Variants in ZDHHC7 observed in about 807,000 individuals in gnomAD.
The protein encoded by ZDHHC7 is palmitoyltransferase ZDHHC7.
Under a neutral mutation model 34.1 loss-of-function variants are expected in ZDHHC7, and 12 were observed. The ratio of observed to expected loss-of-function variants is 0.35; its 90% CI spans 0.23 to 0.57. The LOEUF is 0.57. Among genes scored for constraint, ZDHHC7 ranks in the 20% least tolerant of loss-of-function variants. The probability of loss-of-function intolerance (pLI) is 0.84; values close to 1 mark genes in which losing one functional copy is unlikely to be tolerated. For synonymous variants in ZDHHC7, 185 were observed against 155.4 expected (o/e 1.19, Z -1.42); for missense variants, 388 against 402.7 (o/e 0.96, Z 0.31).
At chr16:85,008,732 T>C (rs917447656) in intron 1 of ZDHHC7, among the ~76,000 whole-genome samples, 7 of 149,264 alleles carry the variant, frequency 4.7e-5, no homozygotes, top group Non-Finnish European at 7.4e-5. Flanking sequence ...TGACTTTATG[T>C]TCTGCTCTAG....
rs758856098 is a variant in ZDHHC7 at position 84,976,359 on chromosome 16, G to C, written c.911C>G (p.Pro304Arg). 11 of 1,613,872 alleles carry C rather than the reference G, an allele frequency of 6.8e-6. No homozygotes were observed. In the Middle Eastern group the frequency reaches 4.9e-4, roughly 72 times the overall value. Residue 304 changes from proline (P) to arginine (R), a missense_variant, in exon 8 of 8, where the codon CCG (proline) becomes CGG (arginine). Transcript: ENST00000313732. ...AGCCACGCCTCACACTGAGAACTCC[G>C]GGCCACCTTTTCTGGGTCTCGTGGG... ...RLPTRPRKGGPEFSV is the reference protein window; with the variant it reads ...RLPTRPRKGGREFSV
Position 85,006,725 on chromosome 16 carries a change from A to G in ZDHHC7, c.-104+4561T>C, listed in dbSNP as rs1597564997. ...ACTGCACTCCAGCCTAGGTGACAGA[A>G]TAACACCGTCTCAAAAATAGTAATA... On this transcript the variant is annotated intron_variant, in intron 1 of 7. Coordinates refer to ENST00000313732, the MANE Select transcript of ZDHHC7 (RefSeq NM_017740.3). 2.0e-5 allele frequency among the ~76,000 whole-genome samples: 3 copies of G among 146,708 alleles called. No individual in the cohort carries two copies. The South Asian group carries it at 6.5e-4, about 32-fold the overall frequency.
intron 1 of ZDHHC7, among the ~76,000 whole-genome samples, chr16:84,997,111 T>C (rs967713806): frequency 6.6e-6 from 1 of 151,466 alleles, no homozygotes. Context: ...ACACGCACAA[T>C]GCACAGAGAA....
the ZDHHC7 span, among the ~76,000 whole-genome samples, chr16:85,027,534 G>A: frequency 6.6e-6 from 1 of 152,212 alleles, no homozygotes; most frequent in Non-Finnish European, 1.5e-5. Context: ...ACTCCTCCCA[G>A]AGTCCGAGAA....
chr16:85,022,962 A>G, the ZDHHC7 span, among the ~76,000 whole-genome samples: 1 of 152,128 alleles, frequency 6.6e-6, no homozygotes, highest in Non-Finnish European at 1.5e-5. Context: ...AAGCTGAGGA[A>G]CTGTTCCAGA....
At chr16:84,981,134 A>G (rs564768387) in intron 4 of ZDHHC7, among the ~76,000 whole-genome samples, 13 of 152,318 alleles carry the variant, frequency 8.5e-5, no homozygotes, top group Admixed American at 3.3e-4. Flanking sequence ...TTCACACTTC[A>G]ACACGTGAAA....
upstream of ZDHHC7, among the ~76,000 whole-genome samples, chr16:85,013,898 G>C (rs1486601349): frequency 6.6e-6 from 1 of 151,890 alleles, no homozygotes; most frequent in African/African-American, 2.4e-5. Flanking sequence ...ATGTTGGCCA[G>C]GCTGGTCTGC....
rs766306636 is a variant in ZDHHC7, at chr16:84,977,080, G to C, written c.750+15C>G. 1 of 1,613,990 alleles carries C rather than the reference G, an allele frequency of 6.2e-7. No homozygotes were observed. Among genetic ancestry groups the C allele is most frequent in the Admixed American group, 1.7e-5 (1 of 60,012 alleles). ...GACCACATATGAAGTCCACACAGCC[G>C]AGAACAAAGCTTACCGTCTCGTCGT... On this transcript the variant is annotated intron_variant, in intron 7 of 7. Coordinates refer to ENST00000313732, the MANE Select transcript of ZDHHC7 (RefSeq NM_017740.3).
intron 1 of ZDHHC7, among the ~76,000 whole-genome samples, chr16:85,002,389 G>GAGT (rs1393796629): frequency 3.3e-5 from 5 of 152,118 alleles, no homozygotes; most frequent in Non-Finnish European, 7.4e-5. Flanking sequence ...CCATAGCAAT[G>GAGT]AGTCCTGTGG....
chr16:84,978,207 A>G (rs1252351759), intron 5 of ZDHHC7: 1 of 457,998 alleles, frequency 2.2e-6, no homozygotes, highest in Non-Finnish European at 3.9e-6. Flanking sequence ...ACTGTTTTGC[A>G]TTTTTAGTAG....
At chr16:84,992,654 T>C (rs900744965) in intron 2 of ZDHHC7, among the ~76,000 whole-genome samples, 1 of 152,134 alleles carries the variant, frequency 6.6e-6, no homozygotes, top group Admixed American at 6.5e-5. Flanking sequence ...CTGACAAATA[T>C]TTTAACGAAC....
chr16:85,006,483 G>A (rs529675315), intron 1 of ZDHHC7, among the ~76,000 whole-genome samples: 215 of 152,262 alleles, frequency 1.4e-3, no homozygotes, highest in South Asian at 3.7e-3. Context: ...GGAGGCTGAG[G>A]TGGGCAGATC....
At chr16:84,988,854 C>A (rs763468823) in intron 3 of ZDHHC7, 1 of 1,551,664 alleles carries the variant, frequency 6.4e-7, no homozygotes, top group South Asian at 1.2e-5. Context: ...GGCAGATGGT[C>A]GGCAGTCACT....
chr16:84,997,412 G>A (rs2072593865), intron 1 of ZDHHC7, among the ~76,000 whole-genome samples: 1 of 150,600 alleles, frequency 6.6e-6, no homozygotes, highest in Admixed American at 6.6e-5. Context: ...GGGACTACAG[G>A]CGCCCACCAC....
Position 84,995,924 on chromosome 16 carries a change from C to G in ZDHHC7, c.-20G>C, listed in dbSNP as rs2072571207. 6.6e-6 allele frequency: 1 copy of G among 152,256 alleles called. No homozygotes were observed. Among genetic ancestry groups the G allele is most frequent in the African/African-American group, 2.4e-5 (1 of 41,462 alleles). 9.4% of individuals were successfully genotyped at this position (152,256 alleles called of 1,614,324 possible). On this transcript the variant is annotated splice_region_variant and 5_prime_UTR_variant, in exon 2 of 8. The change abolishes the stop of an existing upstream ORF in the 5' untranslated region. Transcript: ENST00000313732. ...ACCCTAAATAATCACACTCTTACCT[C>G]ACAAGTTATTTCTAAACATCACTTG...
At chr16:84,990,678 T>A in intron 2 of ZDHHC7, 43 bp from the exon 3 acceptor site, 1 of 1,529,876 alleles carries the variant, frequency 6.5e-7, no homozygotes, top group Non-Finnish European at 8.9e-7. Context: ...CTCAAAAAGC[T>A]CACAAGCTAC....
the ZDHHC7 span, among the ~76,000 whole-genome samples, chr16:85,017,791 GCA>G: frequency 2.0e-4 from 31 of 152,002 alleles, no homozygotes; most frequent in Middle Eastern, 6.8e-3. Context: ...AATAGTGAAA[GCA>G]CAGTGATTTA....
intron 1 of ZDHHC7, among the ~76,000 whole-genome samples, chr16:85,008,688 T>C (rs1293535448): frequency 6.6e-6 from 1 of 151,928 alleles, no homozygotes; most frequent in East Asian, 1.9e-4. Flanking sequence ...AGACTAACTT[T>C]GGGAATAAGA....
intron 2 of ZDHHC7, among the ~76,000 whole-genome samples, chr16:84,991,354 T>C (rs1393565306): frequency 6.6e-6 from 1 of 151,804 alleles, no homozygotes; most frequent in Non-Finnish European, 1.5e-5. Flanking sequence ...GGTGCGATCT[T>C]GGCTCACTGC....
Sources: allele counts gnomAD v4.1 joint callset (sites outside exome capture counted in the v4.1 genomes callset), GRCh38; gene constraint gnomAD v4.1.1; transcripts MANE v1.5; gene names NCBI Gene and HGNC (gene_info 2026-07-23, HGNC 2026-07-21).